DIP2A: variants seen among roughly 807,000 people sequenced by gnomAD.
The protein encoded by DIP2A is disco-interacting protein 2 homolog A.
Under a neutral mutation model 177.4 loss-of-function variants are expected in DIP2A, and 85 were observed. The observed-to-expected ratio is 0.48, with a 90% CI of 0.40 to 0.57. The LOEUF is 0.57. DIP2A is among the 20% of genes least tolerant of loss of function. The pLI, the probability that DIP2A is intolerant of heterozygous loss-of-function variation, is 0.00. For synonymous variants in DIP2A, 886 were observed against 881.8 expected (o/e 1.00, Z -0.08); for missense variants, 1,791 against 2,100.2 (o/e 0.85, Z 2.88).
At position 46,561,758 on chromosome 21, in the gene DIP2A, G is replaced by C; in HGVS notation, c.4042G>C (p.Val1348Leu). Residue 1348 changes from valine to leucine, a missense_variant, in exon 34 of 38, where the codon GTA becomes CTA. Val to Leu is a conservative substitution (Grantham distance 32). Coordinates refer to ENST00000417564, the MANE Select transcript of DIP2A (RefSeq NM_015151.4). ...RALRHDRVRL[V>L]ERGSPHSLPL... ...TCCCTTAATTTTTAGGGTTCGTTTG[G>C]TAGAACGGGGTTCTCCGCACAGCCT... 6.2e-7 allele frequency: 1 copy of C among 1,613,948 alleles called. No individual in the cohort carries two copies. The highest frequency in any genetic ancestry group is 8.5e-7 in the Non-Finnish European group (1 of 1,179,890).
At chr21:46,546,022 G>T (rs752125005) in intron 20 of DIP2A, 61 bp downstream of exon 20, 1 of 1,611,318 alleles carries the variant, frequency 6.2e-7, no homozygotes, top group Non-Finnish European at 8.5e-7. Flanking sequence ...GTGGCTAAGG[G>T]ACACCTCGTT....
At chr21:46,515,847 G>T (rs1360616319) in intron 8 of DIP2A, among the ~76,000 whole-genome samples, 4 of 151,956 alleles carry the variant, frequency 2.6e-5, no homozygotes, top group Non-Finnish European at 5.9e-5. Context: ...ATTGTTTTTT[G>T]TTTGTTTGTT....
At chr21:46,459,298 CCCCG>C in intron 1 of DIP2A, 76 bp downstream of exon 1, 1 of 1,273,446 alleles carries the variant, frequency 7.9e-7, no homozygotes, top group Non-Finnish European at 1.0e-6. Context: ...ACTCCGGGAC[CCCCG>C]CGCGGCCCCT....
At chr21:46,573,645 C>T (rs1220699490), downstream of DIP2A, among the ~76,000 whole-genome samples, 1 of 52,960 alleles carries the variant, frequency 1.9e-5, no homozygotes, top group South Asian at 7.3e-4. Flanking sequence ...CCCTCTCTCA[C>T]AAAAAAAAAA....
intron 5 of DIP2A, 75 bp from the exon 6 acceptor site, chr21:46,504,286 C>T (rs527662316): frequency 2.9e-5 from 46 of 1,567,936 alleles, no homozygotes; most frequent in Middle Eastern, 1.7e-4. Context: ...TTTAGACTAA[C>T]GGGGTTTCAA....
intron 1 of DIP2A, among the ~76,000 whole-genome samples, chr21:46,476,083 A>C (rs75001999): frequency 2.6e-5 from 4 of 150,970 alleles, no homozygotes; most frequent in Non-Finnish European, 3.0e-5. Context: ...AAAATACAAA[A>C]AAAAAAAAAA....
At chr21:46,459,514 C>A (rs1257105889) in intron 1 of DIP2A, among the ~76,000 whole-genome samples, 1 of 129,226 alleles carries the variant, frequency 7.7e-6, no homozygotes, top group African/African-American at 2.7e-5. Context: ...CCCTTACCCC[C>A]GGGAACTCCC....
Position 46,563,958 on chromosome 21 carries a change from T to G in DIP2A, c.4164+26T>G. 1 of 1,607,622 alleles carries G rather than the reference T, an allele frequency of 6.2e-7. No homozygotes were observed. Among genetic ancestry groups the G allele is most frequent in the South Asian group, 1.1e-5 (1 of 90,638 alleles). On this transcript the variant is annotated intron_variant, in intron 35 of 37. Coordinates refer to ENST00000417564, the MANE Select transcript of DIP2A (RefSeq NM_015151.4). This position sits in a 1 kb window ranked among gnomAD's most constrained non-coding sequence, Gnocchi z 4.3. ...GTGAGCAGGGGCCCATGGGAGGGGCTTGAGCTCTCCAGCCTCACCAGCTTC... is the reference window on the plus strand; with the variant it reads ...GTGAGCAGGGGCCCATGGGAGGGGCGTGAGCTCTCCAGCCTCACCAGCTTC...
At chr21:46,564,389 A>G (rs555914233) in intron 35 of DIP2A, among the ~76,000 whole-genome samples, 1 of 152,336 alleles carries the variant, frequency 6.6e-6, no homozygotes, top group Admixed American at 6.5e-5. Context: ...CCTTGTCCTG[A>G]GGACACAGTG....
chr21:46,562,505 G>A (rs893871910), intron 34 of DIP2A, among the ~76,000 whole-genome samples: 1 of 152,202 alleles, frequency 6.6e-6, no homozygotes, highest in African/African-American at 2.4e-5. Context: ...GCCACCTGTG[G>A]GGAGTCAGAG....
At chr21:46,547,248 A>G in intron 21 of DIP2A, 1 of 1,322,780 alleles carries the variant, frequency 7.6e-7, no homozygotes, top group South Asian at 2.0e-5. Flanking sequence ...AGTTCCTTGG[A>G]TTCCTTAAGA....
At position 46,560,703 on chromosome 21, in the gene DIP2A, T is replaced by G. The variant is rs1292511930; in HGVS notation, c.3970-19T>G. 1 of 1,601,568 alleles carries G rather than the reference T, an allele frequency of 6.2e-7. No individual in the cohort carries two copies. Among genetic ancestry groups the G allele is most frequent in the Non-Finnish European group, 8.5e-7 (1 of 1,174,472 alleles). On this transcript the variant is annotated intron_variant, in intron 32 of 37. Transcript: ENST00000417564. ...AGTGAGGCCCCTGAACAGAAGTTCC[T>G]CTGCTGCTCTCCTTCCAGGGCACAG...
intron 1 of DIP2A, among the ~76,000 whole-genome samples, chr21:46,468,467 C>T (rs1725813119): frequency 2.0e-5 from 3 of 151,364 alleles, no homozygotes; most frequent in Non-Finnish European, 4.4e-5. Context: ...TACACAAGCC[C>T]ACTTGTGTCA....
Position 46,556,267 on chromosome 21 carries a change from G to T in DIP2A, c.3498+176G>T. The stretch of plus-strand genomic sequence containing the variant: ...ATAAATGCTAAGATGTGATTAGCCT[G>T]AGAGTAATGCGTTTTCTGATGCATT... On this transcript the variant is annotated intron_variant, in intron 29 of 37. Coordinates refer to ENST00000417564, the MANE Select transcript of DIP2A (RefSeq NM_015151.4). The surrounding 1 kb of genome is among the most constrained non-coding windows in gnomAD (Gnocchi z 4.5). 6.9e-7 allele frequency: 1 copy of T among 1,458,150 alleles called. No homozygotes were observed. Among genetic ancestry groups the T allele is most frequent in the South Asian group, 1.2e-5 (1 of 81,448 alleles). The allele number at this position is 1,458,150 out of a possible 1,614,324, so 90.3% of individuals were successfully genotyped here. A position where few individuals can be genotyped will look rare whatever the true frequency, so the allele number is the denominator to read the frequency against.
chr21:46,464,875 G>T (rs2054675003), intron 1 of DIP2A, among the ~76,000 whole-genome samples: 1 of 119,160 alleles, frequency 8.4e-6, no homozygotes, highest in African/African-American at 3.3e-5. Flanking sequence ...GTCAGAATAT[G>T]AGATAGGGAA....
intron 32 of DIP2A, chr21:46,558,764 A>G: frequency 3.7e-6 from 1 of 271,100 alleles, no homozygotes; most frequent in Non-Finnish European, 7.2e-6. Context: ...TGTTGACTCA[A>G]ATTCATTTCT....
intron 1 of DIP2A, among the ~76,000 whole-genome samples, chr21:46,461,829 G>A (rs1385178273): frequency 6.6e-6 from 1 of 151,858 alleles, no homozygotes; most frequent in African/African-American, 2.4e-5. Flanking sequence ...GGAGGCCCAG[G>A]CAGGAGGATC....
intron 1 of DIP2A, among the ~76,000 whole-genome samples, chr21:46,480,368 C>T (rs142297768): frequency 2.0e-5 from 3 of 152,234 alleles, no homozygotes; most frequent in East Asian, 1.9e-4. Flanking sequence ...AACCTGCCCC[C>T]GTGATTCAGT....
rs566683330 is a variant in DIP2A, at chr21:46,482,502, A to C, written c.92-2255A>C. On this transcript the variant is annotated intron_variant, in intron 1 of 37. Transcript: ENST00000417564. ...TACTTGGTAATGATAAATGAATGTT[A>C]CTGGTTTATGTATTTACTGTACAAT... Among the ~76,000 whole-genome samples the C allele has an allele frequency of 2.6e-5, 4 of 152,294 alleles. No homozygotes were observed. In the South Asian group the frequency reaches 6.2e-4, roughly 24 times the overall value.
Sources: gnomAD v4.1 joint callset for allele counts (sites outside exome capture counted in the v4.1 genomes callset) on GRCh38, gnomAD v4.1.1 for gene constraint, Gnocchi (gnomAD v3.1) non-coding constraint, MANE v1.5 for transcripts, NCBI Gene and HGNC (gene_info 2026-07-23, HGNC 2026-07-21) for gene names.